The following PCED1B variants were observed in gnomAD, a reference collection of about 807,000 sequenced individuals.
PCED1B encodes PC-esterase domain containing 1B, also known as PC-esterase domain-containing protein 1B.
For synonymous variants in PCED1B, 251 were observed against 246.1 expected (o/e 1.02, Z -0.19); for missense variants, 573 against 573.9 (o/e 1.00, Z 0.02).
At chr12:47,114,222 T>A (rs1387132108) in intron 2 of PCED1B, among the ~76,000 whole-genome samples, 1 of 152,148 alleles carries the variant, frequency 6.6e-6, no homozygotes, top group Non-Finnish European at 1.5e-5. Flanking sequence ...GAGGCTTATC[T>A]TTTACACTTT....
chr12:47,199,765 A>G (rs832738), intron 2 of PCED1B, among the ~76,000 whole-genome samples: 8,201 of 152,300 alleles, frequency 0.054, 298 homozygotes, highest in African/African-American at 0.098. Context: ...TAAAACTGCA[A>G]AACTTCTAGA....
In PCED1B at chr12:47,151,451, C is replaced by T. The variant is rs1047701422; in HGVS notation, c.-526+47256C>T. Among the ~76,000 whole-genome samples the T allele has an allele frequency of 7.9e-5, 12 of 152,266 alleles. No homozygotes were observed. The Middle Eastern group carries it at 0.01, about 129-fold the overall frequency. On this transcript the variant is annotated intron_variant, in intron 2 of 3. Transcript: ENST00000546455. ...GTATGTGCAGTCTACAATGTTCACA[C>T]TAAGACAAAATCACCTAATGACACA... is the stretch of plus-strand genomic sequence containing the variant.
intron 2 of PCED1B, among the ~76,000 whole-genome samples, chr12:47,166,226 G>T (rs1941541544): frequency 6.6e-6 from 1 of 152,160 alleles, no homozygotes; most frequent in African/African-American, 2.4e-5. Context: ...AACCCAGACG[G>T]TCTAATCACA....
At chr12:47,200,821 AAAT>A (rs1297631705) in intron 2 of PCED1B, among the ~76,000 whole-genome samples, 3 of 152,240 alleles carry the variant, frequency 2.0e-5, no homozygotes, top group African/African-American at 4.8e-5. Context: ...TAAGTGGAAA[AAAT>A]AATAATGAGA....
In PCED1B at chr12:47,138,788, T is replaced by G. The variant is rs373290497; in HGVS notation, c.-526+34593T>G. On this transcript the variant is annotated intron_variant, in intron 2 of 3. Coordinates refer to ENST00000546455, the MANE Select transcript of PCED1B (RefSeq NM_138371.3). ...ACCATGCCTCCTTTTCAAGTCCAAA[T>G]GACCCCCTAGCTAAGCCTTCTGCAT... Among the ~76,000 whole-genome samples the G allele has an allele frequency of 2.0e-5, 3 of 152,342 alleles. No homozygotes were observed. The East Asian group carries it at 5.8e-4, about 29-fold the overall frequency.
At position 47,142,047 on chromosome 12, in the gene PCED1B, C is replaced by T. The variant is rs191474551; in HGVS notation, c.-526+37852C>T. Among the ~76,000 whole-genome samples the T allele has an allele frequency of 3.0e-3, 459 of 152,324 alleles. 2 individuals are homozygous for T. The highest frequency in any genetic ancestry group is 0.011 in the African/African-American group (442 of 41,578). On this transcript the variant is annotated intron_variant, in intron 2 of 3. Coordinates refer to ENST00000546455, the MANE Select transcript of PCED1B (RefSeq NM_138371.3). ...TTGCAGAGACCCTCAGGGAACTACA[C>T]CCATCCATGCATCTGGCAACAGGCC... is the stretch of plus-strand genomic sequence containing the variant.
intron 2 of PCED1B, among the ~76,000 whole-genome samples, chr12:47,118,648 G>A (rs1315066951): frequency 6.6e-6 from 1 of 151,180 alleles, no homozygotes; most frequent in East Asian, 1.9e-4. Context: ...TTGTTCTTTT[G>A]GCTTAGGATT....
chr12:47,121,891 G>A (rs550824129), intron 2 of PCED1B, among the ~76,000 whole-genome samples: 1 of 152,040 alleles, frequency 6.6e-6, no homozygotes, highest in Admixed American at 6.6e-5. Flanking sequence ...AATTAGCCGG[G>A]TATGGTGGTG....
intron 3 of PCED1B, among the ~76,000 whole-genome samples, chr12:47,234,645 G>A (rs1241938558): frequency 1.3e-5 from 2 of 152,110 alleles, no homozygotes; most frequent in Non-Finnish European, 2.9e-5. Flanking sequence ...AGGCTTCTGG[G>A]CTGCCTCCAG....
chr12:47,177,310 A>G (rs1941953815), intron 2 of PCED1B, among the ~76,000 whole-genome samples: 1 of 152,192 alleles, frequency 6.6e-6, no homozygotes, highest in South Asian at 2.1e-4. Flanking sequence ...GTGTGTGGAG[A>G]ATAAGGTTGT....
intron 2 of PCED1B, among the ~76,000 whole-genome samples, chr12:47,105,819 A>C (rs967968008): frequency 1.3e-5 from 2 of 152,212 alleles, no homozygotes; most frequent in Non-Finnish European, 2.9e-5. Flanking sequence ...TGATTAAAGG[A>C]GTGATGGAAA....
intron 3 of PCED1B, among the ~76,000 whole-genome samples, chr12:47,219,747 A>T (rs1043443300): frequency 6.6e-6 from 1 of 152,206 alleles, no homozygotes; most frequent in Admixed American, 6.5e-5. Flanking sequence ...TTCAACAGAG[A>T]ATAACAAGGA....
chr12:47,094,460 T>C (rs1338113718), intron 1 of PCED1B, among the ~76,000 whole-genome samples: 1 of 152,168 alleles, frequency 6.6e-6, no homozygotes, highest in African/African-American at 2.4e-5. Context: ...TTTTCTATTG[T>C]GCTCTTTTCT....
At chr12:47,096,781 T>C (rs1449318779) in intron 1 of PCED1B, among the ~76,000 whole-genome samples, 1 of 152,248 alleles carries the variant, frequency 6.6e-6, no homozygotes, top group African/African-American at 2.4e-5. Flanking sequence ...ATGAGTGCTT[T>C]AATGAGCTTC....
At chr12:47,179,429 TTTC>T (rs1942027660) in intron 2 of PCED1B, among the ~76,000 whole-genome samples, 1 of 152,208 alleles carries the variant, frequency 6.6e-6, no homozygotes, top group Non-Finnish European at 1.5e-5. Flanking sequence ...AGTCTGCTTC[TTTC>T]TTCTTTAAAT....
intron 1 of PCED1B, among the ~76,000 whole-genome samples, chr12:47,103,772 C>T (rs1029223436): frequency 2.0e-5 from 3 of 152,176 alleles, no homozygotes; most frequent in African/African-American, 4.8e-5. Flanking sequence ...CTTTCTCCAC[C>T]CAAGCTCAAA....
chr12:47,198,484 G>A (rs111241025), intron 2 of PCED1B, among the ~76,000 whole-genome samples: 1 of 151,890 alleles, frequency 6.6e-6, no homozygotes, highest in Non-Finnish European at 1.5e-5. Context: ...TTCTCCCTAC[G>A]ATCAAGAACA....
At chr12:47,080,343 C>G (rs1941970395) in intron 1 of PCED1B, among the ~76,000 whole-genome samples, 1 of 152,204 alleles carries the variant, frequency 6.6e-6, no homozygotes, top group Non-Finnish European at 1.5e-5. Context: ...TCACGTCTCT[C>G]TCCCCACCCA....
At chr12:47,189,175 A>C (rs551637297) in intron 2 of PCED1B, among the ~76,000 whole-genome samples, 1 of 152,284 alleles carries the variant, frequency 6.6e-6, no homozygotes, top group Admixed American at 6.5e-5. Context: ...CAGTGTCTGA[A>C]AGTGACCCTG....
Sources: gnomAD v4.1 joint callset for allele counts (sites outside exome capture counted in the v4.1 genomes callset) on GRCh38, gnomAD v4.1.1 for gene constraint, MANE v1.5 for transcripts, NCBI Gene and HGNC (gene_info 2026-07-23, HGNC 2026-07-21) for gene names.